Variants in FAM174A observed in about 807,000 individuals in gnomAD.
FAM174A encodes the protein family with sequence similarity 174 member A, also known as membrane protein FAM174A.
Under a neutral mutation model 14.3 loss-of-function variants are expected in FAM174A, and 14 were observed. That is an observed-to-expected ratio of 0.98 (90% confidence interval 0.65 to 1.53). The LOEUF (loss-of-function observed/expected upper bound fraction) is 1.53. Among genes scored for constraint, FAM174A ranks in the 40% most tolerant of loss-of-function variants. FAM174A has a pLI of 0.00. For synonymous variants in FAM174A, 108 were observed against 111.4 expected (o/e 0.97, Z 0.19); for missense variants, 241 against 249.6 (o/e 0.97, Z 0.23).
At chr5:100,542,864 G>A (rs1489952281) in intron 1 of FAM174A, among the ~76,000 whole-genome samples, 1 of 151,296 alleles carries the variant, frequency 6.6e-6, no homozygotes, top group East Asian at 1.9e-4. Flanking sequence ...GTGTGTGTGT[G>A]TATAATATTC....
chr5:100,568,055 A>T (rs975098401), intron 2 of FAM174A, among the ~76,000 whole-genome samples: 1 of 151,932 alleles, frequency 6.6e-6, no homozygotes, highest in Admixed American at 6.6e-5. Flanking sequence ...TTCAAACTTC[A>T]TTATTTGTTT....
intron 1 of FAM174A, among the ~76,000 whole-genome samples, chr5:100,559,715 T>C (rs1030311293): frequency 6.6e-6 from 1 of 152,144 alleles, no homozygotes; most frequent in Non-Finnish European, 1.5e-5. Context: ...CCATCACTGA[T>C]ACCCTTTCTT....
At chr5:100,549,822 G>A (rs1034932662) in intron 1 of FAM174A, among the ~76,000 whole-genome samples, 3 of 151,938 alleles carry the variant, frequency 2.0e-5, no homozygotes, top group Non-Finnish European at 2.9e-5. Context: ...AATAATCTGC[G>A]AACTTCAACA....
chr5:100,586,248 A>C lies in FAM174A; in HGVS notation c.*64A>C. 8.6e-7 allele frequency: 1 copy of C among 1,162,586 alleles called. No homozygotes were observed. Among genetic ancestry groups the C allele is most frequent in the Non-Finnish European group, 1.2e-6 (1 of 811,908 alleles). The allele number at this position is 1,162,586 out of a possible 1,614,324, so 72.0% of individuals were successfully genotyped here. ...ATGAAGAGTGGAATTTCTATGTTTA[A>C]GGAATAAGAAGCCACTATATCAATG... is the stretch of plus-strand genomic sequence containing the variant. On this transcript the variant is annotated 3_prime_UTR_variant, in exon 3 of 3. Coordinates refer to ENST00000312637, the MANE Select transcript of FAM174A (RefSeq NM_198507.3).
chr5:100,562,967 CAG>C (rs1746558876), intron 2 of FAM174A, among the ~76,000 whole-genome samples: 1 of 151,708 alleles, frequency 6.6e-6, no homozygotes, highest in African/African-American at 2.4e-5. Context: ...AATTAGAGTC[CAG>C]AGTCAGGTAC....
intron 1 of FAM174A, among the ~76,000 whole-genome samples, chr5:100,544,759 C>T (rs1746131895): frequency 6.6e-6 from 1 of 152,084 alleles, no homozygotes; most frequent in Non-Finnish European, 1.5e-5. Context: ...GACTGCAGTC[C>T]TCAGGGTATT....
At position 100,535,918 on chromosome 5, in the gene FAM174A, G is replaced by A; in HGVS notation, c.388G>A (p.Val130Met). The A allele has an allele frequency of 6.2e-7, 1 of 1,610,020 alleles. No individual in the cohort carries two copies. Among genetic ancestry groups the A allele is most frequent in the Non-Finnish European group, 8.5e-7 (1 of 1,177,624 alleles). The change falls in exon 1 of 3, where the codon GTG becomes ATG. Residue 130 changes from valine (V) to methionine (M), a missense_variant. Physicochemically the swap from Val to Met is conservative, Grantham distance 21. Coordinates refer to ENST00000312637, the MANE Select transcript of FAM174A (RefSeq NM_198507.3). Reference sequence around the variant, plus strand: ...CCAGCGGGCCCTGACCGTGTTGATGGTGGTGAGCGGCGCGGTGCTGGTGTA... The same window carrying A: ...CCAGCGGGCCCTGACCGTGTTGATGATGGTGAGCGGCGCGGTGCTGGTGTA... ...MTQRALTVLM[V>M]VSGAVLVYFV... is the part of the protein sequence containing the mutation.
chr5:100,577,024 C>T (rs901149462), intron 2 of FAM174A, among the ~76,000 whole-genome samples: 1 of 152,064 alleles, frequency 6.6e-6, no homozygotes, highest in Non-Finnish European at 1.5e-5. Context: ...TCTCAAGAAA[C>T]ACAAGTTTAA....
chr5:100,581,488 C>G (rs762507599), intron 2 of FAM174A: 27 of 638,852 alleles, frequency 4.2e-5, no homozygotes, highest in Non-Finnish European at 5.3e-5. Flanking sequence ...CATGGTGGCT[C>G]ATGCCTGTGA....
At chr5:100,563,314 C>T (rs1746566669) in intron 2 of FAM174A, among the ~76,000 whole-genome samples, 1 of 151,356 alleles carries the variant, frequency 6.6e-6, no homozygotes, top group African/African-American at 2.4e-5. Flanking sequence ...ACTGATATTC[C>T]ATGCAAATGG....
chr5:100,570,750 A>C (rs997183082), intron 2 of FAM174A, among the ~76,000 whole-genome samples: 47 of 152,108 alleles, frequency 3.1e-4, no homozygotes, highest in African/African-American at 1.0e-3. Context: ...ATATCAAATT[A>C]TTTTTATTGC....
chr5:100,549,775 A>T (rs780121773), intron 1 of FAM174A, among the ~76,000 whole-genome samples: 89 of 152,034 alleles, frequency 5.9e-4, no homozygotes, highest in Non-Finnish European at 1.1e-3. Flanking sequence ...GGGTTTTTTT[A>T]AAAATATGAA....
chr5:100,574,484 G>T (rs1210698704), intron 2 of FAM174A, among the ~76,000 whole-genome samples: 2 of 152,150 alleles, frequency 1.3e-5, no homozygotes, highest in Non-Finnish European at 2.9e-5. Context: ...CACTGCACCG[G>T]GCCTCAAACT....
chr5:100,538,046 G>A (rs1362734298), intron 1 of FAM174A, among the ~76,000 whole-genome samples: 1 of 152,092 alleles, frequency 6.6e-6, no homozygotes, highest in African/African-American at 2.4e-5. Flanking sequence ...TCTGAACTAT[G>A]GCTAATAAAA....
intron 2 of FAM174A, among the ~76,000 whole-genome samples, chr5:100,567,611 C>T (rs1746690248): frequency 6.6e-6 from 1 of 151,782 alleles, no homozygotes; most frequent in African/African-American, 2.4e-5. Context: ...ACTTGTTTTC[C>T]AGATTTACTA....
At chr5:100,537,877 T>G (rs1220416511) in intron 1 of FAM174A, among the ~76,000 whole-genome samples, 1 of 152,184 alleles carries the variant, frequency 6.6e-6, no homozygotes, top group South Asian at 2.1e-4. Flanking sequence ...TCCTTCCTTG[T>G]TTTTTTCCTT....
At chr5:100,574,333 T>G (rs1215663100) in intron 2 of FAM174A, among the ~76,000 whole-genome samples, 1 of 151,982 alleles carries the variant, frequency 6.6e-6, no homozygotes. Context: ...GGATTACAGA[T>G]GTGCCCACCA....
chr5:100,578,706 T>C, intron 2 of FAM174A, among the ~76,000 whole-genome samples: 1 of 152,200 alleles, frequency 6.6e-6, no homozygotes, highest in East Asian at 1.9e-4. Flanking sequence ...CAAGCGATAT[T>C]CCTCACAGTT....
chr5:100,541,778 A>G (rs1398765660), intron 1 of FAM174A, among the ~76,000 whole-genome samples: 1 of 152,074 alleles, frequency 6.6e-6, no homozygotes, highest in Non-Finnish European at 1.5e-5. Context: ...CTACCACTCT[A>G]GAATTACTCA....
Sources: allele counts gnomAD v4.1 joint callset (sites outside exome capture counted in the v4.1 genomes callset), GRCh38; gene constraint gnomAD v4.1.1; transcripts MANE v1.5; gene names NCBI Gene and HGNC (gene_info 2026-07-23, HGNC 2026-07-21).